The following VPS13C variants were observed in gnomAD, a reference collection of about 807,000 sequenced individuals.
VPS13C encodes vacuolar protein sorting 13 homolog C, also known as intermembrane lipid transfer protein VPS13C.
Under a neutral mutation model 456.8 loss-of-function variants are expected in VPS13C, and 358 were observed. The observed-to-expected ratio is 0.78, with a 90% confidence interval of 0.72 to 0.86. VPS13C has a LOEUF of 0.86. Among genes scored for constraint, VPS13C ranks in the 40% least tolerant of loss-of-function variants. VPS13C has a pLI of 0.00. For synonymous variants in VPS13C, 1,578 were observed against 1,486.7 expected (o/e 1.06, Z -1.41); for missense variants, 4,818 against 4,385.4 (o/e 1.10, Z -2.79).
intron 16 of VPS13C, among the ~76,000 whole-genome samples, chr15:61,992,268 T>C (rs1333149484): frequency 6.6e-6 from 1 of 152,190 alleles, no homozygotes; most frequent in East Asian, 1.9e-4. Flanking sequence ...TAAATTAAAA[T>C]AGTCCTTAAA....
intron 3 of VPS13C, among the ~76,000 whole-genome samples, chr15:62,040,148 A>C (rs1273259843): frequency 6.6e-6 from 1 of 152,118 alleles, no homozygotes; most frequent in East Asian, 1.9e-4. Flanking sequence ...ACTTGTGGGA[A>C]CTAAAATTAA....
intron 51 of VPS13C, among the ~76,000 whole-genome samples, chr15:61,928,442 A>C (rs1405063107): frequency 1.3e-5 from 2 of 152,218 alleles, no homozygotes; most frequent in African/African-American, 4.8e-5. Flanking sequence ...GCATATATAA[A>C]TATAGCAATA....
intron 47 of VPS13C, among the ~76,000 whole-genome samples, chr15:61,939,166 A>G (rs1431404184): frequency 1.3e-5 from 2 of 152,212 alleles, no homozygotes; most frequent in African/African-American, 4.8e-5. Context: ...CAACAAACCT[A>G]TAACCACAAA....
At chr15:61,881,991 C>T (rs1275241815) in intron 69 of VPS13C, among the ~76,000 whole-genome samples, 163 bp from the exon 70 acceptor site, 1 of 152,104 alleles carries the variant, frequency 6.6e-6, no homozygotes, top group Admixed American at 6.6e-5. Flanking sequence ...AAGTTACATA[C>T]CTCAGCAAGG....
At chr15:61,872,132 C>A in intron 78 of VPS13C, 98 bp from the exon 79 acceptor site, 1 of 920,568 alleles carries the variant, frequency 1.1e-6, no homozygotes, top group Non-Finnish European at 1.7e-6. Flanking sequence ...GAAATAACAA[C>A]AACAACAACA....
chr15:62,037,444 A>T (rs1353068333), intron 3 of VPS13C, among the ~76,000 whole-genome samples: 3 of 126,224 alleles, frequency 2.4e-5, no homozygotes, highest in Admixed American at 9.3e-5. Context: ...AATATATATT[A>T]AATAAATATA....
chr15:61,870,547 T>C (rs1408816533), intron 79 of VPS13C, among the ~76,000 whole-genome samples: 1 of 152,210 alleles, frequency 6.6e-6, no homozygotes, highest in East Asian at 1.9e-4. Flanking sequence ...GACATTTGGG[T>C]TGTTTCCATC....
At chr15:61,861,348 T>A (rs1311724995) in intron 82 of VPS13C, among the ~76,000 whole-genome samples, 2 of 152,176 alleles carry the variant, frequency 1.3e-5, no homozygotes, top group Admixed American at 6.5e-5. Context: ...TTTTAATATA[T>A]AAAATTTTAC....
At chr15:61,917,270 A>C in intron 60 of VPS13C, 71 bp downstream of exon 60, 1 of 1,500,942 alleles carries the variant, frequency 6.7e-7, no homozygotes, top group Non-Finnish European at 9.0e-7. Context: ...CCTCACTTAA[A>C]AATACCATAA....
chr15:61,871,134 T>A (rs1894995150), intron 79 of VPS13C, among the ~76,000 whole-genome samples: 1 of 152,198 alleles, frequency 6.6e-6, no homozygotes, highest in Non-Finnish European at 1.5e-5. Context: ...ATGTATTTGA[T>A]GAAGTCCAAT....
In VPS13C at chr15:61,890,059, A is replaced by G. The variant is rs187603240; in HGVS notation, c.9341+106T>C. 4.0e-6 allele frequency: 4 copies of G among 988,122 alleles called. No homozygotes were observed. In the African/African-American group the frequency reaches 4.9e-5, roughly 12 times the overall value. The allele number at this position is 988,122 out of a possible 1,614,324, so 61.2% of individuals were successfully genotyped here. A position where few individuals can be genotyped will look rare whatever the true frequency, so the allele number is the denominator to read the frequency against. ...AGTAAGCTTTACTGAATAAATATAC[A>G]GCATACCAAAGTCAAACCAGGTATC... On this transcript the variant is annotated intron_variant, in intron 67 of 84. Transcript: ENST00000644861.
intron 9 of VPS13C, among the ~76,000 whole-genome samples, chr15:62,014,357 G>A (rs908093318): frequency 6.6e-6 from 1 of 152,052 alleles, no homozygotes; most frequent in South Asian, 2.1e-4. Flanking sequence ...AGAAAACCAG[G>A]AGAGTATGGA....
chr15:62,055,912 T>C (rs2048779172), intron 1 of VPS13C, among the ~76,000 whole-genome samples: 1 of 152,148 alleles, frequency 6.6e-6, no homozygotes, highest in Non-Finnish European at 1.5e-5. Context: ...CTGCAGGAAG[T>C]TGTCCTCTGC....
chr15:61,996,994 C>CATATATAT (rs956530930), intron 16 of VPS13C, among the ~76,000 whole-genome samples: 6 of 142,352 alleles, frequency 4.2e-5, no homozygotes, highest in Admixed American at 2.1e-4. Flanking sequence ...ATTTTACATA[C>CATATATAT]ATACATATAT....
At chr15:61,913,225 T>C in intron 62 of VPS13C, 86 bp downstream of exon 62, 2 of 1,195,872 alleles carry the variant, frequency 1.7e-6, no homozygotes, top group Non-Finnish European at 2.5e-6. Context: ...TAAAGACACA[T>C]GCACACATAT....
At chr15:61,939,552 A>G (rs1026886037) in intron 47 of VPS13C, among the ~76,000 whole-genome samples, 1 of 152,098 alleles carries the variant, frequency 6.6e-6, no homozygotes, top group Non-Finnish European at 1.5e-5. Context: ...AGTCTCTCTC[A>G]CCCCTATCCC....
rs375989096 is a variant in VPS13C at position 61,918,223 on chromosome 15, T to G, written c.7673A>C (p.Tyr2558Ser). 41 of 1,591,128 alleles carry G rather than the reference T, an allele frequency of 2.6e-5. No individual in the cohort carries two copies. The highest frequency in any genetic ancestry group is 3.4e-5 in the Non-Finnish European group (40 of 1,170,828). The change falls in exon 59 of 85, where the codon TAT becomes TCT. Residue 2558 changes from tyrosine to serine, a missense_variant. By Grantham distance (144) the Tyr-to-Ser change is moderately radical (BLOSUM62 -2). Coordinates refer to ENST00000644861, the MANE Select transcript of VPS13C (RefSeq NM_020821.3). ...KNHFSIAFII[Y>S]KFVKNVKLLE... ...TAGCTTAACATTCTTAACAAATTTA[T>G]AGATGATAAATGCAATGGAGAAATG...
chr15:62,004,312 G>T (rs1456897439), intron 15 of VPS13C, among the ~76,000 whole-genome samples: 1 of 151,874 alleles, frequency 6.6e-6, no homozygotes, highest in Non-Finnish European at 1.5e-5. Flanking sequence ...TTGCATAGAG[G>T]TGTTTGTAGT....
chr15:61,862,831 A>G (rs1271696401), intron 82 of VPS13C, among the ~76,000 whole-genome samples: 1 of 152,162 alleles, frequency 6.6e-6, no homozygotes, highest in Non-Finnish European at 1.5e-5. Flanking sequence ...TGCCACTGTA[A>G]GAACTTTGCC....
Sources: gnomAD v4.1 joint callset for allele counts (sites outside exome capture counted in the v4.1 genomes callset) on GRCh38, gnomAD v4.1.1 for gene constraint, MANE v1.5 for transcripts, NCBI Gene and HGNC (gene_info 2026-07-23, HGNC 2026-07-21) for gene names.